DHRS13: variants seen among roughly 807,000 people sequenced by gnomAD.
DHRS13 encodes dehydrogenase/reductase 13, also known as dehydrogenase/reductase SDR family member 13.
A neutral mutation model predicts 17.9 loss-of-function variants in DHRS13; 22 were observed. The observed-to-expected ratio is 1.23, with a 90% CI of 0.88 to 1.75. The LOEUF is 1.75. DHRS13 is among the 40% of genes most tolerant of loss of function. The pLI is 0.00. For missense variants in DHRS13, 483 were observed against 519.9 expected (o/e 0.93, Z 0.69); for synonymous variants, 206 against 220.4 (o/e 0.93, Z 0.58).
chr17:28,899,976 T>A lies in DHRS13; in HGVS notation c.682+1014A>T, dbSNP rs2039793686. Among the ~76,000 whole-genome samples the A allele has an allele frequency of 6.6e-6, 1 of 151,510 alleles. No homozygotes were observed. Among genetic ancestry groups the A allele is most frequent in the Non-Finnish European group, 1.5e-5 (1 of 67,858 alleles). Reference sequence around the variant, plus strand: ...TCCCCCAGGCTGGAGTGCGGTGGCGTGATCACGGCTCACTGCAACCTCCAC... The same window carrying A: ...TCCCCCAGGCTGGAGTGCGGTGGCGAGATCACGGCTCACTGCAACCTCCAC... On this transcript the variant is annotated intron_variant, in intron 4 of 4. Transcript: ENST00000378895. This position sits in a 1 kb window ranked among gnomAD's most constrained non-coding sequence, Gnocchi z 4.7.
rs150228941 is a variant in DHRS13, at chr17:28,901,046, C to T, written c.626G>A (p.Arg209Gln). Reference protein sequence around the residue: ...DTKLANVLFARELANQLEATG... With the variant: ...DTKLANVLFAQELANQLEATG... ...GGCCTCAAGCTGGTTGGCGAGCTCC[C>T]GGGCAAACAGTACATTAGCCAGCTT... is the stretch of plus-strand genomic sequence containing the variant. Residue 209 changes from arginine (R) to glutamine (Q), a missense_variant, in exon 4 of 5, where the codon CGG becomes CAG. Physicochemically the swap from Arg to Gln is conservative, Grantham distance 43. Transcript: ENST00000378895. The surrounding 1 kb of genome is among the most constrained non-coding windows in gnomAD (Gnocchi z 4.3). 97 of 1,612,876 alleles carry T rather than the reference C, an allele frequency of 6.0e-5. No homozygotes were observed. Among genetic ancestry groups the T allele is most frequent in the African/African-American group, 5.7e-4 (43 of 75,014 alleles).
rs1216181695 is a variant in DHRS13 at position 28,903,016 on chromosome 17, G to T, written c.-72C>A. The T allele has an allele frequency of 1.5e-6, 2 of 1,294,340 alleles. No homozygotes were observed. Among genetic ancestry groups the T allele is most frequent in the Non-Finnish European group, 9.8e-7 (1 of 1,018,096 alleles). 80.2% of individuals were successfully genotyped at this position (1,294,340 alleles called of 1,614,324 possible). On this transcript the variant is annotated 5_prime_UTR_variant, in exon 1 of 5. Coordinates refer to ENST00000378895, the MANE Select transcript of DHRS13 (RefSeq NM_144683.4). The surrounding 1 kb of genome is among the most constrained non-coding windows in gnomAD (Gnocchi z 4.8). ...ATCGCCGCCAGGCGGCTGCCGATCC[G>T]CCCTGCACAGGCCTGGAACGGCGCC...
At position 28,898,461 on chromosome 17, in the gene DHRS13, G is replaced by A; in HGVS notation, c.1114C>T (p.Pro372Ser). Residue 372 changes from proline (P) to serine (S), a missense_variant, in exon 5 of 5, where the codon CCT becomes TCT. Physicochemically the swap from Pro to Ser is moderately conservative, Grantham distance 74. Transcript: ENST00000378895. ...GAGGGTTAGGAGAGCTGGATCTCAG[G>A]CTCAACTTTAGCCTGAATTCGGTGC... ...MTHRIQAKVE[P>S]EIQLS 2 of 1,560,506 alleles carry A rather than the reference G, an allele frequency of 1.3e-6. No individual in the cohort carries two copies. The highest frequency in any genetic ancestry group is 1.7e-6 in the Non-Finnish European group (2 of 1,151,666).
At position 28,897,888 on chromosome 17, in the gene DHRS13, G is replaced by A; in HGVS notation, c.*553C>T. 1 of 232,670 alleles carries A rather than the reference G, an allele frequency of 4.3e-6. No homozygotes were observed. Among genetic ancestry groups the A allele is most frequent in the Non-Finnish European group, 8.2e-6 (1 of 121,702 alleles). The allele number at this position is 232,670 out of a possible 1,614,324, so 14.4% of individuals were successfully genotyped here. ...ACTCCCATGGGGCACCTCGATACCA[G>A]CTGCCCTGCCCTGACTCACTTCTCA... On this transcript the variant is annotated 3_prime_UTR_variant, in exon 5 of 5. Transcript: ENST00000378895. The surrounding 1 kb of genome is among the most constrained non-coding windows in gnomAD (Gnocchi z 4.4).
Position 28,902,754 on chromosome 17 carries a change from AC to A in DHRS13, c.128-54del, listed in dbSNP as rs1260046044. On this transcript the variant is annotated intron_variant, in intron 1 of 4. Transcript: ENST00000378895. This position sits in a 1 kb window ranked among gnomAD's most constrained non-coding sequence, Gnocchi z 4.0. ...GAGCTGAGCCCGGCGGGCCGCTGCT[AC>A]CGCCGGCCCGGCCTCCTCTCCGCGC... is the stretch of plus-strand genomic sequence containing the variant. 1 of 1,389,604 alleles carries A rather than the reference AC, an allele frequency of 7.2e-7. No individual in the cohort carries two copies. Among genetic ancestry groups the A allele is most frequent in the East Asian group, 3.1e-5 (1 of 32,146 alleles). 86.1% of individuals were successfully genotyped at this position (1,389,604 alleles called of 1,614,324 possible). A position where few individuals can be genotyped will look rare whatever the true frequency, so the allele number is the denominator to read the frequency against.
Position 28,900,975 on chromosome 17 carries a change from A to G in DHRS13, c.682+15T>C, listed in dbSNP as rs2039799887. The G allele has an allele frequency of 6.4e-7, 1 of 1,565,240 alleles. No homozygotes were observed. Among genetic ancestry groups the G allele is most frequent in the African/African-American group, 1.4e-5 (1 of 73,786 alleles). On this transcript the variant is annotated intron_variant, in intron 4 of 4. Transcript: ENST00000378895. Reference sequence around the variant, plus strand: ...AAAGGAGAGGGGAATCGGAAGCCAAAGAACCAGACCTCACCTGGGTGGGCT... The same window carrying G: ...AAAGGAGAGGGGAATCGGAAGCCAAGGAACCAGACCTCACCTGGGTGGGCT...
In DHRS13 at chr17:28,899,047, A is replaced by AC. The variant is rs1321199347; in HGVS notation, c.683-156_683-155insG. On this transcript the variant is annotated intron_variant, in intron 4 of 4. Transcript: ENST00000378895. This position sits in a 1 kb window ranked among gnomAD's most constrained non-coding sequence, Gnocchi z 4.7. ...TCAAGCTCTGTCTCTTTAAAAAAAA[A>AC]AACAACAACAAAAAAAATAGAACAG... 30 of 636,062 alleles carry AC rather than the reference A, an allele frequency of 4.7e-5. No individual in the cohort carries two copies. The Middle Eastern group carries it at 2.2e-3, about 46-fold the overall frequency. 39.4% of individuals were successfully genotyped at this position (636,062 alleles called of 1,614,324 possible).
intron 4 of DHRS13, among the ~76,000 whole-genome samples, chr17:28,900,729 G>A (rs1010000292): frequency 6.6e-6 from 1 of 152,118 alleles, no homozygotes; most frequent in African/African-American, 2.4e-5. Context: ...CTGGGGGTGG[G>A]AATCCAGGTC....
Position 28,897,805 on chromosome 17 carries a change from C to T in DHRS13, c.*636G>A, listed in dbSNP as rs1428996113. The T allele has an allele frequency of 1.3e-5, 4 of 308,658 alleles. No homozygotes were observed. 19.1% of individuals were successfully genotyped at this position (308,658 alleles called of 1,614,324 possible). On this transcript the variant is annotated 3_prime_UTR_variant, in exon 5 of 5. Transcript: ENST00000378895. This position sits in a 1 kb window ranked among gnomAD's most constrained non-coding sequence, Gnocchi z 4.4. ...CTTCGGCGGTCAACGCGCTTTATTC[C>T]GAGGGGCTTCAGATACAGATGACCC...
chr17:28,902,569 C>A lies in DHRS13; in HGVS notation c.246+14G>T. ...TCTCGGCTCACCGTCCCACGCGCCC[C>A]CGCTGCCTCTCACCTGGCGGAGGTC... On this transcript the variant is annotated intron_variant, in intron 2 of 4. Coordinates refer to ENST00000378895, the MANE Select transcript of DHRS13 (RefSeq NM_144683.4). The surrounding 1 kb of genome is among the most constrained non-coding windows in gnomAD (Gnocchi z 4.0). 6.8e-7 allele frequency: 1 copy of A among 1,477,326 alleles called. No homozygotes were observed. Among genetic ancestry groups the A allele is most frequent in the South Asian group, 1.3e-5 (1 of 77,846 alleles). The allele number at this position is 1,477,326 out of a possible 1,614,324, so 91.5% of individuals were successfully genotyped here.
At position 28,898,686 on chromosome 17, in the gene DHRS13, CG is replaced by C. The variant is rs1358983046; in HGVS notation, c.888del (p.Asp296GlufsTer41). The C allele has an allele frequency of 1.2e-6, 2 of 1,613,460 alleles. No individual in the cohort carries two copies. The highest frequency in any genetic ancestry group is 1.7e-6 in the Non-Finnish European group (2 of 1,179,786). ...HVEEVPPAAR[D>X]DRAAHRLWEA... Reference sequence around the variant, plus strand: ...TCCCATAGCCGATGGGCTGCCCGGTCGTCTCGGGCAGCTGGAGGCACCTCTT... The same window carrying C: ...TCCCATAGCCGATGGGCTGCCCGGTCTCTCGGGCAGCTGGAGGCACCTCTT... On this transcript the variant is annotated frameshift_variant, in exon 5 of 5. Transcript: ENST00000378895. LOFTEE classifies it low-confidence loss of function (END_TRUNC).
In DHRS13 at chr17:28,898,225, A is replaced by G. The variant is rs577220741; in HGVS notation, c.*216T>C. 2.1e-5 allele frequency: 12 copies of G among 577,084 alleles called. No individual in the cohort carries two copies. The highest frequency in any genetic ancestry group is 1.3e-4 in the African/African-American group (7 of 52,996). 35.7% of individuals were successfully genotyped at this position (577,084 alleles called of 1,614,324 possible). ...GAAGCACAGTGTCTAGCATACCCCT[A>G]TCTCTCCATCTGGGGTTACTGTCAC... On this transcript the variant is annotated 3_prime_UTR_variant, in exon 5 of 5. Coordinates refer to ENST00000378895, the MANE Select transcript of DHRS13 (RefSeq NM_144683.4).
rs910830596 is a variant in DHRS13, at chr17:28,902,299, T to C, written c.246+284A>G. Among the ~76,000 whole-genome samples the C allele has an allele frequency of 6.6e-6, 1 of 152,266 alleles. No individual in the cohort carries two copies. The highest frequency in any genetic ancestry group is 2.4e-5 in the African/African-American group (1 of 41,468). On this transcript the variant is annotated intron_variant, in intron 2 of 4. Coordinates refer to ENST00000378895, the MANE Select transcript of DHRS13 (RefSeq NM_144683.4). This position sits in a 1 kb window ranked among gnomAD's most constrained non-coding sequence, Gnocchi z 4.0. ...TTTGCCTCAGAGCCTTTGCTTATGC[T>C]GTGCCCTCTGCTGTTCCCTTTCCTA...
In DHRS13 at chr17:28,898,537, A is replaced by G. The variant is rs748106583; in HGVS notation, c.1038T>C (p.Val346=). 1.9e-6 allele frequency: 3 copies of G among 1,611,518 alleles called. No individual in the cohort carries two copies. In the East Asian group the frequency reaches 6.7e-5, roughly 36 times the overall value. The change falls in exon 5 of 5, where the codon GTT becomes GTC. Residue 346 remains valine, a synonymous_variant. Transcript: ENST00000378895. ...LSTPHPEEPT[V]SQPYPSPQSS... is the part of the protein sequence containing the mutation. ...TCTGAGGGCTGGGGTAAGGTTGAGA[A>G]ACTGTGGGCTCCTCAGGGTGGGGGG...
Position 28,898,419 on chromosome 17 carries a change from G to T in DHRS13, c.*22C>A. The T allele has an allele frequency of 6.5e-7, 1 of 1,544,836 alleles. No homozygotes were observed. The highest frequency in any genetic ancestry group is 1.2e-5 in the South Asian group (1 of 82,994). On this transcript the variant is annotated 3_prime_UTR_variant, in exon 5 of 5. Transcript: ENST00000378895. ...GTTTTCAAGGACCATGAAGTGCCAT[G>T]GCAAGCATCCTGGCCTGAGGGTTAG...
In DHRS13 at chr17:28,901,363, T is replaced by C; in HGVS notation, c.371-62A>G. 1 of 1,581,646 alleles carries C rather than the reference T, an allele frequency of 6.3e-7. No homozygotes were observed. Reference sequence around the variant, plus strand: ...AGGAGCTCTGCAGCCTTGGCATCCCTATCTATGAGATGGGAGAAGGGGGCA... The same window carrying C: ...AGGAGCTCTGCAGCCTTGGCATCCCCATCTATGAGATGGGAGAAGGGGGCA... On this transcript the variant is annotated intron_variant, in intron 3 of 4. Transcript: ENST00000378895. This position sits in a 1 kb window ranked among gnomAD's most constrained non-coding sequence, Gnocchi z 4.3.
rs982489140 is a variant in DHRS13, at chr17:28,899,047, AAAC to A, written c.683-158_683-156del. ...TCAAGCTCTGTCTCTTTAAAAAAAA[AAAC>A]AACAACAAAAAAAATAGAACAGAGC... On this transcript the variant is annotated intron_variant, in intron 4 of 4. Transcript: ENST00000378895. This position sits in a 1 kb window ranked among gnomAD's most constrained non-coding sequence, Gnocchi z 4.7. 1.4e-5 allele frequency: 9 copies of A among 636,056 alleles called. No homozygotes were observed. The highest frequency in any genetic ancestry group is 4.8e-5 in the South Asian group (2 of 42,078). The allele number at this position is 636,056 out of a possible 1,614,324, so 39.4% of individuals were successfully genotyped here. A position where few individuals can be genotyped will look rare whatever the true frequency, so the allele number is the denominator to read the frequency against.
Position 28,898,288 on chromosome 17 carries a change from A to G in DHRS13, c.*153T>C, listed in dbSNP as rs2039776111. Reference sequence around the variant, plus strand: ...ATAATCACCCATTATTCCTTCAACCAGGAAAAGAGATGTCCAGGGCACAGC... The same window carrying G: ...ATAATCACCCATTATTCCTTCAACCGGGAAAAGAGATGTCCAGGGCACAGC... On this transcript the variant is annotated 3_prime_UTR_variant, in exon 5 of 5. Coordinates refer to ENST00000378895, the MANE Select transcript of DHRS13 (RefSeq NM_144683.4). 4 of 732,858 alleles carry G rather than the reference A, an allele frequency of 5.5e-6. No individual in the cohort carries two copies. Among genetic ancestry groups the G allele is most frequent in the Non-Finnish European group, 8.8e-6 (4 of 453,402 alleles). The allele number at this position is 732,858 out of a possible 1,614,324, so 45.4% of individuals were successfully genotyped here.
chr17:28,900,832 G>A (rs540029620), intron 4 of DHRS13, among the ~76,000 whole-genome samples, 158 bp downstream of exon 4: 1 of 152,244 alleles, frequency 6.6e-6, no homozygotes, highest in Non-Finnish European at 1.5e-5. Flanking sequence ...TCCAAGAGCA[G>A]CAAGGAACAG....
Sources: gnomAD v4.1 joint callset for allele counts (sites outside exome capture counted in the v4.1 genomes callset) on GRCh38, gnomAD v4.1.1 for gene constraint, Gnocchi (gnomAD v3.1) non-coding constraint, MANE v1.5 for transcripts, NCBI Gene and HGNC (gene_info 2026-07-23, HGNC 2026-07-21) for gene names.